Variants in TSHZ3 observed in about 807,000 individuals in gnomAD.
TSHZ3 encodes the protein teashirt homolog 3.
A neutral mutation model predicts 64.5 loss-of-function variants in TSHZ3; 10 were observed. The observed-to-expected ratio is 0.16, with a 90% CI of 0.10 to 0.26. The LOEUF (loss-of-function observed/expected upper bound fraction) is 0.26, where lower values mean the gene tolerates loss of function less well. TSHZ3 is among the 10% of genes least tolerant of loss of function. TSHZ3 has a pLI of 1.00. For synonymous variants in TSHZ3, 608 were observed against 593.1 expected (o/e 1.03, Z -0.36); for missense variants, 1,242 against 1,421.7 (o/e 0.87, Z 2.03).
chr19:31,339,901 C>CT (rs1042662894), intron 1 of TSHZ3, among the ~76,000 whole-genome samples: 16 of 109,432 alleles, frequency 1.5e-4, no homozygotes, highest in Admixed American at 3.3e-4. Context: ...AAAAAATTGA[C>CT]TTTAAAAAAA....
chr19:31,175,010 C>T (rs190950090), intron 5 of TSHZ3, among the ~76,000 whole-genome samples: 49 of 152,340 alleles, frequency 3.2e-4, no homozygotes, highest in African/African-American at 1.1e-3. Context: ...AATCAAAGCC[C>T]AAACAGGGCG....
At chr19:31,202,532 G>T (rs926073494) in intron 5 of TSHZ3, among the ~76,000 whole-genome samples, 1 of 151,966 alleles carries the variant, frequency 6.6e-6, no homozygotes. Flanking sequence ...TCCACTGTTT[G>T]TGCAGACCAT....
chr19:31,264,540 A>T (rs1161840402), intron 1 of TSHZ3, among the ~76,000 whole-genome samples: 1 of 152,186 alleles, frequency 6.6e-6, no homozygotes, highest in East Asian at 1.9e-4. Context: ...AGCAGGGCCC[A>T]GGGCCAGCCA....
chr19:31,288,573 T>G (rs1473161165), intron 1 of TSHZ3, among the ~76,000 whole-genome samples: 2 of 152,266 alleles, frequency 1.3e-5, no homozygotes, highest in African/African-American at 4.8e-5. Context: ...GCCGATTCTC[T>G]GCTCTGTCGC....
chr19:31,164,938 G>A (rs1184486823), intron 5 of TSHZ3, among the ~76,000 whole-genome samples: 2 of 152,234 alleles, frequency 1.3e-5, no homozygotes, highest in Non-Finnish European at 2.9e-5. Context: ...CCAGAGAGCA[G>A]TAATTCTGTG....
At chr19:31,217,876 T>A (rs1975353445) in intron 4 of TSHZ3, among the ~76,000 whole-genome samples, 1 of 152,178 alleles carries the variant, frequency 6.6e-6, no homozygotes, top group African/African-American at 2.4e-5. Flanking sequence ...CAATTTTGCC[T>A]TTTCCAGAAT....
chr19:31,348,844 C>A (rs973122123), intron 1 of TSHZ3: 5 of 291,068 alleles, frequency 1.7e-5, no homozygotes, highest in East Asian at 6.0e-5. Context: ...ACTCAGGTGA[C>A]CCCGCCCGCC....
chr19:31,166,251 G>T (rs1974450779), intron 5 of TSHZ3, among the ~76,000 whole-genome samples: 1 of 152,188 alleles, frequency 6.6e-6, no homozygotes. Flanking sequence ...GAAAGTGAGT[G>T]TGATCATGTC....
intron 4 of TSHZ3, among the ~76,000 whole-genome samples, chr19:31,214,909 GAAAAAAAAAAAA>G (rs950173415): frequency 1.2e-4 from 5 of 41,856 alleles, no homozygotes; most frequent in Non-Finnish European, 1.5e-4. Context: ...CTCTGTCTCA[GAAAAAAAAAAAA>G]AAAAAAAAAA....
In TSHZ3 at chr19:31,179,788, ATGG is replaced by A. The variant is rs573093045; in HGVS notation, n.810-23374_810-23372del. ...GGTGGGGGTGATGATAATGGTGGTG[ATGG>A]TGGTGGTAACAATGATGATGGTGGT... On this transcript the variant is annotated intron_variant and non_coding_transcript_variant, in intron 5 of 6. Transcript: ENST00000651361. 3.6e-3 allele frequency among the ~76,000 whole-genome samples: 527 copies of A among 145,068 alleles called. 1 individual carries two copies. The highest frequency in any genetic ancestry group is 6.0e-3 in the Non-Finnish European group (397 of 66,326).
chr19:31,179,593 T>A (rs1974668576), intron 5 of TSHZ3, among the ~76,000 whole-genome samples: 1 of 152,034 alleles, frequency 6.6e-6, no homozygotes. Flanking sequence ...ATAATTGTGG[T>A]GGTGGTGATG....
At chr19:31,346,214 C>G (rs556905109) in intron 1 of TSHZ3, among the ~76,000 whole-genome samples, 1 of 152,298 alleles carries the variant, frequency 6.6e-6, no homozygotes, top group Non-Finnish European at 1.5e-5. Flanking sequence ...TCTGCTCGCC[C>G]TACCCAGCTC....
intron 1 of TSHZ3, among the ~76,000 whole-genome samples, chr19:31,248,955 G>C (rs1975796151): frequency 6.6e-6 from 1 of 152,092 alleles, no homozygotes; most frequent in Non-Finnish European, 1.5e-5. Flanking sequence ...GGGTGATGGA[G>C]CAGGTTTTGA....
chr19:31,314,258 C>T (rs911958412), intron 1 of TSHZ3, among the ~76,000 whole-genome samples: 2 of 152,238 alleles, frequency 1.3e-5, no homozygotes, highest in African/African-American at 4.8e-5. Flanking sequence ...GCCATGCCAG[C>T]CTCCTTTGCC....
upstream of TSHZ3, among the ~76,000 whole-genome samples, chr19:31,350,391 G>A (rs1040384503): frequency 6.3e-4 from 96 of 151,644 alleles, no homozygotes; most frequent in Admixed American, 1.8e-3. Context: ...CTGACTTTGG[G>A]ATGATCAGGG....
At chr19:31,220,985 C>G (rs770912005) in intron 4 of TSHZ3, among the ~76,000 whole-genome samples, 5 of 152,166 alleles carry the variant, frequency 3.3e-5, no homozygotes, top group Non-Finnish European at 7.3e-5. Context: ...AGATGCCAAA[C>G]TAGTTAAAAT....
intron 4 of TSHZ3, among the ~76,000 whole-genome samples, chr19:31,215,806 G>A (rs990251429): frequency 2.0e-5 from 3 of 152,112 alleles, no homozygotes; most frequent in Non-Finnish European, 2.9e-5. Flanking sequence ...GGGAGGCGGA[G>A]CTTGCAGTGA....
chr19:31,290,640 G>T (rs1253236784), intron 1 of TSHZ3, among the ~76,000 whole-genome samples: 1 of 152,162 alleles, frequency 6.6e-6, no homozygotes, highest in African/African-American at 2.4e-5. Flanking sequence ...TAGGATGATG[G>T]AGGTCATGGC....
intron 5 of TSHZ3, among the ~76,000 whole-genome samples, chr19:31,184,039 C>T (rs185599695): frequency 2.0e-5 from 3 of 152,044 alleles, no homozygotes; most frequent in Admixed American, 1.3e-4. Flanking sequence ...CAGAACGTGA[C>T]GATATTATGA....
Sources: allele counts gnomAD v4.1 joint callset (sites outside exome capture counted in the v4.1 genomes callset), GRCh38; gene constraint gnomAD v4.1.1; transcripts MANE v1.5; gene names NCBI Gene and HGNC (gene_info 2026-07-23, HGNC 2026-07-21).